Variants in PHLPP1 observed in about 807,000 individuals in gnomAD.
PHLPP1 encodes the protein PH domain and leucine rich repeat protein phosphatase 1.
PHLPP1 carries 42 observed loss-of-function variants against 117.2 expected under a neutral mutation model. That is an observed-to-expected ratio of 0.36 (90% CI 0.28 to 0.46). The LOEUF (loss-of-function observed/expected upper bound fraction) is 0.46. Among genes scored for constraint, PHLPP1 ranks in the 20% least tolerant of loss-of-function variants. PHLPP1 has a pLI of 1.00. For synonymous variants in PHLPP1, 1,042 were observed against 970.7 expected (o/e 1.07, Z -1.37); for missense variants, 2,084 against 2,241.9 (o/e 0.93, Z 1.42).
Position 62,978,126 on chromosome 18 carries a change from C to T in PHLPP1, c.3985-136C>T. On this transcript the variant is annotated intron_variant, in intron 16 of 16. Coordinates refer to ENST00000262719, the MANE Select transcript of PHLPP1 (RefSeq NM_194449.4). This position sits in a 1 kb window ranked among gnomAD's most constrained non-coding sequence, Gnocchi z 7.0. The stretch of plus-strand genomic sequence containing the variant: ...TTAACTACTCACTACAGAGTGAGCC[C>T]TTCTTTCCTCTGTGGGCCACACAGC... 1 of 606,140 alleles carries T rather than the reference C, an allele frequency of 1.6e-6. No individual in the cohort carries two copies. The highest frequency in any genetic ancestry group is 3.0e-6 in the Non-Finnish European group (1 of 338,128). 37.5% of individuals were successfully genotyped at this position (606,140 alleles called of 1,614,324 possible).
chr18:62,919,339 A>G (rs1909391343), intron 9 of PHLPP1, among the ~76,000 whole-genome samples: 1 of 152,214 alleles, frequency 6.6e-6, no homozygotes, highest in Non-Finnish European at 1.5e-5. Context: ...AAGTCTCTCA[A>G]GAAAACAGTG....
chr18:62,734,848 T>G (rs1055248526), intron 1 of PHLPP1, among the ~76,000 whole-genome samples: 1 of 152,188 alleles, frequency 6.6e-6, no homozygotes, highest in Non-Finnish European at 1.5e-5. Flanking sequence ...ATGGGGGATG[T>G]TAACAGAAAT....
At chr18:62,875,825 T>C (rs1408866078) in intron 4 of PHLPP1, among the ~76,000 whole-genome samples, 1 of 152,046 alleles carries the variant, frequency 6.6e-6, no homozygotes, top group African/African-American at 2.4e-5. Context: ...CTGTGCCTCC[T>C]GCGTTCAAGT....
intron 3 of PHLPP1, among the ~76,000 whole-genome samples, chr18:62,855,086 A>G (rs1470378348): frequency 3.3e-5 from 5 of 152,084 alleles, no homozygotes; most frequent in African/African-American, 1.2e-4. Context: ...GTAAGTTCTT[A>G]CTGCACAGGG....
chr18:62,821,548 CCAA>C (rs1245452108), intron 1 of PHLPP1, among the ~76,000 whole-genome samples: 7 of 29,320 alleles, frequency 2.4e-4, no homozygotes, highest in African/African-American at 2.4e-4. Flanking sequence ...GACCCTTTAT[CCAA>C]AAAAAAAAAA....
intron 2 of PHLPP1, among the ~76,000 whole-genome samples, chr18:62,832,909 A>G (rs1007298811): frequency 1.3e-5 from 2 of 152,164 alleles, no homozygotes; most frequent in Non-Finnish European, 2.9e-5. Context: ...GTGGTTTCAT[A>G]CCACGTGAGC....
chr18:62,887,237 G>C (rs575588001), intron 4 of PHLPP1, among the ~76,000 whole-genome samples: 1 of 152,144 alleles, frequency 6.6e-6, no homozygotes, highest in Non-Finnish European at 1.5e-5. Context: ...AAAGGCAGTA[G>C]ATTCATAATT....
chr18:62,716,133 C>G lies in PHLPP1; in HGVS notation c.450C>G (p.His150Gln), dbSNP rs561717496. 13 of 1,516,946 alleles carry G rather than the reference C, an allele frequency of 8.6e-6. No homozygotes were observed. The highest frequency in any genetic ancestry group is 1.1e-5 in the Non-Finnish European group (13 of 1,139,080). 94.0% of individuals were successfully genotyped at this position (1,516,946 alleles called of 1,614,324 possible). A position where few individuals can be genotyped will look rare whatever the true frequency, so the allele number is the denominator to read the frequency against. Residue 150 changes from histidine to glutamine, a missense_variant, in exon 1 of 17, where the codon CAC becomes CAG. Physicochemically the swap from His to Gln is conservative, Grantham distance 24 (BLOSUM62 0). This residue lies in a region of PHLPP1 where 719 missense variants were observed against 636.0 expected (regional missense o/e 1.13). Coordinates refer to ENST00000262719, the MANE Select transcript of PHLPP1 (RefSeq NM_194449.4). The surrounding 1 kb of genome is among the most constrained non-coding windows in gnomAD (Gnocchi z 5.7). ...SSSSSAAAAS[H>Q]SPGAAGLPAS... ...CGTCCTCGGCCGCTGCTGCCTCGCA[C>G]TCCCCCGGCGCTGCCGGCCTCCCCG...
At chr18:62,778,146 G>A (rs1395590799) in intron 1 of PHLPP1, among the ~76,000 whole-genome samples, 1 of 152,084 alleles carries the variant, frequency 6.6e-6, no homozygotes, top group Non-Finnish European at 1.5e-5. Flanking sequence ...GCATTCTATT[G>A]TCATTATTTT....
At chr18:62,866,249 GT>G (rs570308646) in intron 4 of PHLPP1, among the ~76,000 whole-genome samples, 120 of 141,022 alleles carry the variant, frequency 8.5e-4, no homozygotes, top group Admixed American at 1.9e-3. Context: ...TGTGTTTTTT[GT>G]TTTTTTTTTT....
intron 8 of PHLPP1, among the ~76,000 whole-genome samples, chr18:62,905,563 C>A (rs1916827895): frequency 1.3e-5 from 2 of 152,140 alleles, no homozygotes; most frequent in Admixed American, 1.3e-4. Context: ...TCTAATAACT[C>A]TTTTCATTAT....
intron 3 of PHLPP1, among the ~76,000 whole-genome samples, chr18:62,849,823 A>AT (rs1252462523): frequency 3.4e-4 from 33 of 98,228 alleles, no homozygotes; most frequent in Non-Finnish European, 4.1e-4. Context: ...AAAAAAAAAA[A>AT]AAAAAAAAAA....
At chr18:62,897,767 A>G (rs1342528317) in intron 6 of PHLPP1, among the ~76,000 whole-genome samples, 1 of 152,138 alleles carries the variant, frequency 6.6e-6, no homozygotes, top group Non-Finnish European at 1.5e-5. Flanking sequence ...TCGACCTCTC[A>G]AAGTGCTGGA....
chr18:62,812,621 G>A (rs529937995), intron 1 of PHLPP1, among the ~76,000 whole-genome samples: 3 of 152,270 alleles, frequency 2.0e-5, no homozygotes, highest in African/African-American at 7.2e-5. Context: ...AGCCCACCCT[G>A]AGTGAGGCCT....
At position 62,716,684 on chromosome 18, in the gene PHLPP1, T is replaced by C; in HGVS notation, c.1001T>C (p.Val334Ala). Residue 334 changes from valine to alanine, a missense_variant, in exon 1 of 17, where the codon GTC becomes GCC. Val to Ala is a moderately conservative substitution (Grantham distance 64). Around this residue, in one of 2 missense-constraint regions of PHLPP1, gnomAD observed 719 missense variants for 636.0 expected, o/e 1.13. Transcript: ENST00000262719. This position sits in a 1 kb window ranked among gnomAD's most constrained non-coding sequence, Gnocchi z 5.7. ...SPGEPFVGGP[V>A]SSPRAPRPVV... ...GGCGAGCCGTTCGTTGGGGGCCCTGTCTCTTCGCCCCGCGCCCCACGGCCT... is the reference window on the plus strand; with the variant it reads ...GGCGAGCCGTTCGTTGGGGGCCCTGCCTCTTCGCCCCGCGCCCCACGGCCT... 6.8e-7 allele frequency: 1 copy of C among 1,466,052 alleles called. No homozygotes were observed. The allele number at this position is 1,466,052 out of a possible 1,614,324, so 90.8% of individuals were successfully genotyped here. A position where few individuals can be genotyped will look rare whatever the true frequency, so the allele number is the denominator to read the frequency against.
At chr18:62,778,667 G>A (rs1169647321) in intron 1 of PHLPP1, among the ~76,000 whole-genome samples, 1 of 152,112 alleles carries the variant, frequency 6.6e-6, no homozygotes, top group Non-Finnish European at 1.5e-5. Context: ...TTATTCTTTA[G>A]AGGGTTTTTT....
intron 2 of PHLPP1, chr18:62,837,613 A>T (rs904750155): frequency 6.6e-6 from 1 of 150,540 alleles, no homozygotes; most frequent in Admixed American, 6.6e-5. Context: ...AGTTTTTATC[A>T]TAGCCTTCTT....
chr18:62,931,067 C>A (rs150339872), intron 10 of PHLPP1, among the ~76,000 whole-genome samples: 5 of 151,996 alleles, frequency 3.3e-5, no homozygotes, highest in African/African-American at 1.2e-4. Flanking sequence ...AATGGTGGCA[C>A]GTGCCTGTAG....
At chr18:62,844,761 T>A (rs940720951) in intron 3 of PHLPP1, among the ~76,000 whole-genome samples, 1 of 152,210 alleles carries the variant, frequency 6.6e-6, no homozygotes, top group East Asian at 1.9e-4. Flanking sequence ...GGTATCTTAT[T>A]CCTGAAATAG....
Sources: allele counts gnomAD v4.1 joint callset (sites outside exome capture counted in the v4.1 genomes callset), GRCh38; gene constraint gnomAD v4.1.1; regional missense constraint gnomAD v4.1.1; non-coding constraint Gnocchi (gnomAD v3.1); transcripts MANE v1.5; gene names NCBI Gene and HGNC (gene_info 2026-07-23, HGNC 2026-07-21).